Variants in CADM2 observed in about 807,000 individuals in gnomAD.
The protein encoded by CADM2 is immunoglobulin superfamily member 4D.
In CADM2, 12 loss-of-function variants were observed where a neutral mutation model predicts 49.8. That is an observed-to-expected ratio of 0.24 (90% CI 0.15 to 0.39). CADM2 has a LOEUF of 0.39. CADM2 is among the 10% of genes least tolerant of loss of function. The probability of loss-of-function intolerance (pLI) is 1.00; values close to 1 mark genes in which losing one functional copy is unlikely to be tolerated. For synonymous variants in CADM2, 214 were observed against 175.4 expected, an observed-to-expected ratio of 1.22 and a Z score of -1.74; for missense variants, 378 against 492.3, an observed-to-expected ratio of 0.77 and a Z score of 2.20.
chr3:85,825,360 T>C (rs75212598), intron 3 of CADM2, among the ~76,000 whole-genome samples: 1,795 of 152,108 alleles, frequency 0.012, 12 homozygotes, highest in Non-Finnish European at 0.018. Flanking sequence ...TTACTTACTA[T>C]CCCTAAGGCT....
At chr3:85,060,888 A>G (rs1267444327) in intron 1 of CADM2, among the ~76,000 whole-genome samples, 1 of 152,162 alleles carries the variant, frequency 6.6e-6, no homozygotes, top group African/African-American at 2.4e-5. Context: ...AATCAGTACT[A>G]TTACTTATAT....
chr3:85,703,801 T>A (rs1195220311), intron 1 of CADM2, among the ~76,000 whole-genome samples: 1 of 152,126 alleles, frequency 6.6e-6, no homozygotes, highest in Non-Finnish European at 1.5e-5. Flanking sequence ...CCTAAATCTG[T>A]CTTTATTCAC....
rs79329202 is a variant in CADM2 at position 85,014,908 on chromosome 3, T to A, written c.61+55240T>A. Among the ~76,000 whole-genome samples, 73 of 152,248 alleles carry A rather than the reference T, an allele frequency of 4.8e-4. No homozygotes were observed. In the East Asian group the frequency reaches 7.0e-3, roughly 15 times the overall value. On this transcript the variant is annotated intron_variant, in intron 1 of 9. Transcript: ENST00000383699. ...AGCTTTGGAAACTATTGGGAGACAT[T>A]TTGGTGCCTGCCTATATCCTTCTAT...
chr3:85,529,369 C>A (rs1490331948), intron 1 of CADM2, among the ~76,000 whole-genome samples: 1 of 152,166 alleles, frequency 6.6e-6, no homozygotes, highest in Admixed American at 6.5e-5. Context: ...GGTAAGGTGA[C>A]ATTTGGATAC....
At chr3:85,092,909 T>A (rs1270928015) in intron 1 of CADM2, among the ~76,000 whole-genome samples, 2 of 152,198 alleles carry the variant, frequency 1.3e-5, no homozygotes, top group Non-Finnish European at 2.9e-5. Context: ...TTTACCTTTG[T>A]CATTCTCATT....
chr3:86,044,365 GA>G (rs1235106898), intron 8 of CADM2, among the ~76,000 whole-genome samples: 1 of 151,854 alleles, frequency 6.6e-6, no homozygotes, highest in African/African-American at 2.4e-5. Context: ...AAATTTACAA[GA>G]AAAAACAAAC....
chr3:85,701,888 GATAGATAGATAGATAGATAGATAT>G (rs1455235406), intron 1 of CADM2, among the ~76,000 whole-genome samples: 18 of 151,036 alleles, frequency 1.2e-4, no homozygotes, highest in African/African-American at 4.4e-4. Flanking sequence ...TAGATAGATA[GATAGATAGATAGATAGATAGATAT>G]AAAGAAAAAG....
In CADM2 at chr3:85,407,417, C is replaced by G. The variant is rs116632450; in HGVS notation, c.62-319105C>G. ...TTGGATTTTTGTAGATACCTCGTTTCTTTTCTCTCAGAACTTTTACACAAC... is the reference window on the plus strand; with the variant it reads ...TTGGATTTTTGTAGATACCTCGTTTGTTTTCTCTCAGAACTTTTACACAAC... On this transcript the variant is annotated intron_variant, in intron 1 of 9. Transcript: ENST00000383699. Among the ~76,000 whole-genome samples the G allele has an allele frequency of 2.0e-5, 3 of 152,152 alleles. No individual in the cohort carries two copies. The East Asian group carries it at 5.8e-4, about 29-fold the overall frequency.
intron 1 of CADM2, among the ~76,000 whole-genome samples, chr3:85,180,604 A>C (rs1409658992): frequency 6.6e-6 from 1 of 150,802 alleles, no homozygotes; most frequent in African/African-American, 2.4e-5. Context: ...AATGCTATTT[A>C]CTCTTAATTT....
intron 1 of CADM2, among the ~76,000 whole-genome samples, chr3:85,443,080 CTTAA>C: frequency 6.6e-6 from 1 of 152,116 alleles, no homozygotes; most frequent in East Asian, 1.9e-4. Context: ...AACCAATACA[CTTAA>C]TTGTTTCACA....
At chr3:85,601,555 C>G (rs1173404176) in intron 1 of CADM2, among the ~76,000 whole-genome samples, 1 of 150,994 alleles carries the variant, frequency 6.6e-6, no homozygotes, top group Non-Finnish European at 1.5e-5. Flanking sequence ...CTCAAAGATC[C>G]TATTTAAAAT....
At chr3:85,875,841 T>C (rs1426549806) in intron 3 of CADM2, among the ~76,000 whole-genome samples, 2 of 152,126 alleles carry the variant, frequency 1.3e-5, no homozygotes, top group Non-Finnish European at 2.9e-5. Context: ...GAGGAAGTAG[T>C]CTACTCTCAG....
chr3:85,563,917 C>T (rs746053543), intron 1 of CADM2, among the ~76,000 whole-genome samples: 10 of 152,112 alleles, frequency 6.6e-5, no homozygotes, highest in Non-Finnish European at 1.0e-4. Flanking sequence ...TAGATCATAG[C>T]TATTTTATAT....
intron 5 of CADM2, among the ~76,000 whole-genome samples, chr3:85,899,717 T>C (rs1026763787): frequency 6.6e-6 from 1 of 152,216 alleles, no homozygotes; most frequent in Admixed American, 6.5e-5. Flanking sequence ...TGTTTATTGA[T>C]GTAAAATTTT....
At chr3:85,870,297 GT>G (rs1347722681) in intron 3 of CADM2, among the ~76,000 whole-genome samples, 1 of 151,470 alleles carries the variant, frequency 6.6e-6, no homozygotes, top group African/African-American at 2.4e-5. Context: ...GTGCAGATTT[GT>G]TATATGGGTA....
chr3:85,779,625 A>T (rs2070533342), intron 2 of CADM2, among the ~76,000 whole-genome samples: 1 of 152,164 alleles, frequency 6.6e-6, no homozygotes, highest in African/African-American at 2.4e-5. Context: ...AACCAACCCC[A>T]TGATTAAACT....
chr3:86,036,351 C>T (rs755113812), intron 8 of CADM2, among the ~76,000 whole-genome samples: 1 of 152,030 alleles, frequency 6.6e-6, no homozygotes. Flanking sequence ...TTTGCAGGAA[C>T]TTGTATTTTG....
intron 3 of CADM2, among the ~76,000 whole-genome samples, chr3:85,804,178 A>G (rs1369684073): frequency 6.6e-6 from 1 of 152,174 alleles, no homozygotes; most frequent in Non-Finnish European, 1.5e-5. Flanking sequence ...GCCAATTTTA[A>G]GGACATGTCT....
intron 3 of CADM2, among the ~76,000 whole-genome samples, chr3:85,879,873 T>A: frequency 6.6e-6 from 1 of 152,182 alleles, no homozygotes; most frequent in Non-Finnish European, 1.5e-5. Context: ...TGTGTGTTTA[T>A]ATGTTTAGTT....
Sources: allele counts gnomAD v4.1 joint callset (sites outside exome capture counted in the v4.1 genomes callset), GRCh38; gene constraint gnomAD v4.1.1; transcripts MANE v1.5; gene names NCBI Gene and HGNC (gene_info 2026-07-23, HGNC 2026-07-21).